SCN9A: variants seen among roughly 807,000 people sequenced by gnomAD.
SCN9A encodes sodium channel protein type 9 subunit alpha.
Under a neutral mutation model 187.0 loss-of-function variants are expected in SCN9A, and 131 were observed. The ratio of observed to expected loss-of-function variants is 0.70; its 90% CI spans 0.61 to 0.81. SCN9A has a LOEUF of 0.81. Among genes scored for constraint, SCN9A ranks in the 30% least tolerant of loss-of-function variants. The pLI, the probability that SCN9A is intolerant of heterozygous loss-of-function variation, is 0.00. For synonymous variants in SCN9A, 809 were observed against 808.6 expected (o/e 1.00, Z -0.01); for missense variants, 2,252 against 2,396.6 (o/e 0.94, Z 1.26).
intron 1 of SCN9A, among the ~76,000 whole-genome samples, chr2:166,359,136 C>A (rs535883810): frequency 6.6e-6 from 1 of 152,122 alleles, no homozygotes; most frequent in South Asian, 2.1e-4. Flanking sequence ...ATTTTAATTA[C>A]CCTATTTGCA....
rs552197602 is a variant in SCN9A at position 166,195,383 on chromosome 2, T to C, written c.*3289A>G. 3 of 152,308 alleles carry C rather than the reference T, an allele frequency of 2.0e-5. No homozygotes were observed. The allele number at this position is 152,308 out of a possible 1,614,324, so 9.4% of individuals were successfully genotyped here. ...TTATTTATTTTCATGAAGCAATTCT[T>C]GATTGTTTTCCTCAAGAAGATAATA... On this transcript the variant is annotated 3_prime_UTR_variant, in exon 27 of 27. Coordinates refer to ENST00000642356, the MANE Select transcript of SCN9A (RefSeq NM_001365536.1).
rs758044085 is a variant in SCN9A at position 166,198,766 on chromosome 2, T to C, written c.5873A>G (p.Tyr1958Cys). Residue 1958 changes from tyrosine to cysteine, a missense_variant, in exon 27 of 27, where the codon TAT (tyrosine) becomes TGT (cysteine). Physicochemically the swap from Tyr to Cys is radical, Grantham distance 194. Coordinates refer to ENST00000642356, the MANE Select transcript of SCN9A (RefSeq NM_001365536.1). ...TTTGTCTGGCTTTGTTACACTATCA[T>C]ATGAAGGTGGAGAGGTGGTGGATGA... ...ATSSTTSPPS[Y>C]DSVTKPDKEK... 3.1e-6 allele frequency: 5 copies of C among 1,613,592 alleles called. No homozygotes were observed. The highest frequency in any genetic ancestry group is 1.1e-5 in the South Asian group (1 of 91,034).
At chr2:166,237,979 A>G (rs1363219081) in intron 20 of SCN9A, 115 bp downstream of exon 20, 10 of 703,962 alleles carry the variant, frequency 1.4e-5, no homozygotes, top group Non-Finnish European at 2.3e-5. Flanking sequence ...TATAGCCTGA[A>G]AATATATGAA....
At position 166,256,880 on chromosome 2, in the gene SCN9A, G is replaced by T. The variant is rs7581840; in HGVS notation, c.3352-4995C>A. 9.2e-5 allele frequency among the ~76,000 whole-genome samples: 14 copies of T among 151,456 alleles called. No homozygotes were observed. The South Asian group carries it at 1.7e-3, about 18-fold the overall frequency. ...TCTTTTTCTCAGAATCTTCTACCTA[G>T]GGCACTTTCTATCCAATAACATGAA... On this transcript the variant is annotated intron_variant, in intron 17 of 26. Transcript: ENST00000642356.
chr2:166,328,807 T>G (rs1699428193), intron 1 of SCN9A, among the ~76,000 whole-genome samples: 2 of 152,186 alleles, frequency 1.3e-5, no homozygotes, highest in Admixed American at 6.5e-5. Context: ...TTAAAATGCA[T>G]TAAGTCCAAT....
chr2:166,198,848 C>CT lies in SCN9A; in HGVS notation c.5790dup (p.Asp1931ArgfsTer5). The CT allele has an allele frequency of 6.2e-7, 1 of 1,613,688 alleles. No homozygotes were observed. The highest frequency in any genetic ancestry group is 1.7e-5 in the Admixed American group (1 of 59,970). On this transcript the variant is annotated frameshift_variant, in exon 27 of 27. Transcript: ENST00000642356. LOFTEE classifies it high-confidence loss of function. ...TCATTAACATTATCAAAAGCCATAT[C>CT]TTTTTTATTGAGTAAATCATCATCT...
At position 166,196,993 on chromosome 2, in the gene SCN9A, CCT is replaced by C. The variant is rs1693264681; in HGVS notation, c.*1677_*1678del. The C allele has an allele frequency of 6.6e-6, 1 of 151,954 alleles. No homozygotes were observed. The highest frequency in any genetic ancestry group is 6.6e-5 in the Admixed American group (1 of 15,246). The allele number at this position is 151,954 out of a possible 1,614,324, so 9.4% of individuals were successfully genotyped here. A position where few individuals can be genotyped will look rare whatever the true frequency, so the allele number is the denominator to read the frequency against. On this transcript the variant is annotated 3_prime_UTR_variant, in exon 27 of 27. Transcript: ENST00000642356. Reference sequence around the variant, plus strand: ...TTTGTTTCTATAGGTACGTTTAAATCCTCTTTCTTTTTAAATTGCCAGAACAA... The same window carrying C: ...TTTGTTTCTATAGGTACGTTTAAATCCTTTCTTTTTAAATTGCCAGAACAA...
intron 24 of SCN9A, among the ~76,000 whole-genome samples, chr2:166,220,462 T>C (rs1694534016): frequency 6.6e-6 from 1 of 152,136 alleles, no homozygotes; most frequent in Non-Finnish European, 1.5e-5. Flanking sequence ...TCTCACTTAT[T>C]CTCTCTTTGT....
At chr2:166,267,867 T>A (rs1696808961) in intron 17 of SCN9A, among the ~76,000 whole-genome samples, 1 of 151,984 alleles carries the variant, frequency 6.6e-6, no homozygotes, top group South Asian at 2.1e-4. Context: ...TAGTAGTCTC[T>A]ATTGATCAGT....
intron 9 of SCN9A, among the ~76,000 whole-genome samples, chr2:166,290,284 A>G (rs905510554): frequency 1.3e-5 from 2 of 152,230 alleles, no homozygotes; most frequent in East Asian, 3.9e-4. Context: ...TCCATGGTGT[A>G]TATGTACCAC....
At chr2:166,335,647 C>T (rs972633750) in intron 1 of SCN9A, among the ~76,000 whole-genome samples, 4 of 152,104 alleles carry the variant, frequency 2.6e-5, no homozygotes, top group Non-Finnish European at 5.9e-5. Flanking sequence ...CTTTCAAAAG[C>T]TTGGACTGGC....
intron 16 of SCN9A, among the ~76,000 whole-genome samples, chr2:166,274,450 G>C (rs926621419): frequency 5.9e-5 from 9 of 151,820 alleles, no homozygotes; most frequent in African/African-American, 2.2e-4. Flanking sequence ...CTAAACCTAT[G>C]GTCCTTAACC....
chr2:166,367,418 A>G (rs528632986), intron 1 of SCN9A, among the ~76,000 whole-genome samples: 2 of 152,006 alleles, frequency 1.3e-5, no homozygotes, highest in Admixed American at 6.6e-5. Context: ...GCTGGCCACC[A>G]TGCCTGGATA....
chr2:166,249,747 G>A (rs972656407), intron 18 of SCN9A, among the ~76,000 whole-genome samples: 2 of 152,048 alleles, frequency 1.3e-5, no homozygotes, highest in African/African-American at 4.8e-5. Context: ...GTCTGAAATA[G>A]CATAGTATTA....
At chr2:166,220,095 T>A (rs1694518030) in intron 24 of SCN9A, among the ~76,000 whole-genome samples, 1 of 152,188 alleles carries the variant, frequency 6.6e-6, no homozygotes. Flanking sequence ...GAGTTGTCCC[T>A]AGGATGCAAG....
intron 24 of SCN9A, among the ~76,000 whole-genome samples, chr2:166,213,459 CAATAATAAT>C (rs75970260): frequency 6.4e-5 from 9 of 140,948 alleles, no homozygotes; most frequent in African/African-American, 7.8e-5. Context: ...CAAATTGAAC[CAATAATAAT>C]AATAATAATA....
At chr2:166,204,622 A>G (rs533046272) in intron 24 of SCN9A, 158 bp from the exon 25 acceptor site, 4 of 428,282 alleles carry the variant, frequency 9.3e-6, no homozygotes, top group Non-Finnish European at 1.6e-5. Context: ...TTAAATAATT[A>G]CATATGTGTA....
At chr2:166,217,456 A>C (rs1694385179) in intron 24 of SCN9A, among the ~76,000 whole-genome samples, 1 of 152,058 alleles carries the variant, frequency 6.6e-6, no homozygotes. Context: ...TGCAAACCAT[A>C]CATCTGATAA....
At chr2:166,334,742 G>A (rs372557663) in intron 1 of SCN9A, among the ~76,000 whole-genome samples, 21 of 151,966 alleles carry the variant, frequency 1.4e-4, no homozygotes, top group African/African-American at 4.8e-4. Flanking sequence ...TTTTTATTAC[G>A]GCAGTAGATT....
Sources: gnomAD v4.1 joint callset for allele counts (sites outside exome capture counted in the v4.1 genomes callset) on GRCh38, gnomAD v4.1.1 for gene constraint, MANE v1.5 for transcripts, NCBI Gene and HGNC (gene_info 2026-07-23, HGNC 2026-07-21) for gene names.